The following RMDN2 variants were observed in gnomAD, a reference collection of about 807,000 sequenced individuals.
RMDN2 encodes regulator of microtubule dynamics 2, also known as regulator of microtubule dynamics protein 2.
In RMDN2, 61 loss-of-function variants were observed where a neutral mutation model predicts 52.8. The observed-to-expected ratio is 1.16, with a 90% CI of 0.94 to 1.43. The LOEUF (loss-of-function observed/expected upper bound fraction) is 1.43. Ranked by LOEUF, RMDN2 falls within the 40% of genes most tolerant of loss-of-function variation. The probability of loss-of-function intolerance (pLI) is 0.00; values close to 1 mark genes in which losing one functional copy is unlikely to be tolerated. For synonymous variants in RMDN2, 180 were observed against 153.1 expected (o/e 1.18, Z -1.30); for missense variants, 592 against 475.3 (o/e 1.25, Z -2.28).
intron 2 of RMDN2, among the ~76,000 whole-genome samples, chr2:37,962,666 C>G (rs1348245141): frequency 6.6e-6 from 1 of 152,166 alleles, no homozygotes. Context: ...ACACCTGACT[C>G]CCTGGCTTTT....
At chr2:37,951,609 C>T in intron 2 of RMDN2, 1 of 1,613,374 alleles carries the variant, frequency 6.2e-7, no homozygotes, top group Non-Finnish European at 8.5e-7. Context: ...ATCCCGTAAA[C>T]TAAGTATAGT....
intron 10 of RMDN2, among the ~76,000 whole-genome samples, chr2:38,064,626 T>G (rs935908847): frequency 3.9e-5 from 6 of 152,222 alleles, no homozygotes; most frequent in Non-Finnish European, 2.9e-5. Flanking sequence ...CACCCTTGCT[T>G]CTGTATATAC....
intron 10 of RMDN2, among the ~76,000 whole-genome samples, chr2:38,042,249 CTTTCTT>C (rs1256434819): frequency 6.6e-6 from 1 of 152,062 alleles, no homozygotes; most frequent in Non-Finnish European, 1.5e-5. Context: ...TATTTATACT[CTTTCTT>C]TATTGTCCTT....
intron 1 of RMDN2, chr2:37,928,727 C>T (rs1013672434): frequency 6.6e-6 from 1 of 152,364 alleles, no homozygotes; most frequent in Non-Finnish European, 1.5e-5. Flanking sequence ...TTTGCCTTCT[C>T]AAGTTTATTG....
intron 2 of RMDN2, among the ~76,000 whole-genome samples, chr2:37,937,538 G>C (rs963374831): frequency 6.6e-6 from 1 of 152,154 alleles, no homozygotes; most frequent in Admixed American, 6.5e-5. Context: ...AGCATGGAAT[G>C]TTTTTCCATT....
At chr2:38,020,662 G>T (rs975532413), downstream of RMDN2, among the ~76,000 whole-genome samples, 2 of 152,234 alleles carry the variant, frequency 1.3e-5, no homozygotes, top group Non-Finnish European at 2.9e-5. Flanking sequence ...CAGGCCAGCG[G>T]CTGCAGAGGG....
chr2:37,933,355 C>G lies in RMDN2; in HGVS notation c.452+3626C>G, dbSNP rs1198867348. Reference sequence around the variant, plus strand: ...GGCGGCCAGGCGGAGACGCTCCTCACTTCCCAGACGGGGTGGCGGCTGGGC... The same window carrying G: ...GGCGGCCAGGCGGAGACGCTCCTCAGTTCCCAGACGGGGTGGCGGCTGGGC... On this transcript the variant is annotated intron_variant, in intron 2 of 10. Coordinates refer to ENST00000354545, the MANE Select transcript of RMDN2 (RefSeq NM_001170791.3). Among the ~76,000 whole-genome samples the G allele has an allele frequency of 3.9e-5, 6 of 152,210 alleles. No individual in the cohort carries two copies. The East Asian group carries it at 1.2e-3, about 29-fold the overall frequency.
intron 10 of RMDN2, among the ~76,000 whole-genome samples, chr2:38,038,618 A>T (rs1292122895): frequency 2.6e-5 from 4 of 152,202 alleles, no homozygotes; most frequent in Admixed American, 2.6e-4. Flanking sequence ...GCTAGGGCCA[A>T]ACCAACCACT....
At chr2:37,926,686 T>A (rs1666306761) in intron 1 of RMDN2, among the ~76,000 whole-genome samples, 1 of 152,258 alleles carries the variant, frequency 6.6e-6, no homozygotes, top group South Asian at 2.1e-4. Flanking sequence ...ATGCTGCTTA[T>A]CCCAGCACTT....
intron 4 of RMDN2, among the ~76,000 whole-genome samples, chr2:37,978,562 A>T (rs1022828949): frequency 6.6e-6 from 1 of 152,046 alleles, no homozygotes; most frequent in Middle Eastern, 3.2e-3. Context: ...GTAGTGGCTC[A>T]TGCCTGTAAT....
chr2:38,036,986 TG>T (rs1680627381), intron 10 of RMDN2, among the ~76,000 whole-genome samples: 1 of 152,132 alleles, frequency 6.6e-6, no homozygotes. Flanking sequence ...GCAAAGAACA[TG>T]GGAAAATGTG....
chr2:37,939,960 C>CAGTTTCTTCAT (rs1667639494), intron 2 of RMDN2, among the ~76,000 whole-genome samples: 1 of 152,132 alleles, frequency 6.6e-6, no homozygotes, highest in African/African-American at 2.4e-5. Context: ...TTAGTTGATG[C>CAGTTTCTTCAT]AGTTTCTTCA....
intron 10 of RMDN2, among the ~76,000 whole-genome samples, chr2:38,063,169 T>C (rs1682126763): frequency 6.6e-6 from 1 of 152,184 alleles, no homozygotes; most frequent in African/African-American, 2.4e-5. Flanking sequence ...TATTTCTAGT[T>C]CTAGATCCCT....
At chr2:37,964,927 G>A (rs1049439027) in intron 2 of RMDN2, among the ~76,000 whole-genome samples, 2 of 152,064 alleles carry the variant, frequency 1.3e-5, no homozygotes, top group African/African-American at 4.8e-5. Flanking sequence ...GGATGATGTT[G>A]AGTGCATTTA....
chr2:38,056,385 A>C (rs1681856593), intron 10 of RMDN2, among the ~76,000 whole-genome samples: 3 of 152,218 alleles, frequency 2.0e-5, no homozygotes, highest in Admixed American at 6.5e-5. Context: ...TTACTACAAC[A>C]TCAATCACAC....
At chr2:38,053,632 A>T (rs996177458) in intron 10 of RMDN2, among the ~76,000 whole-genome samples, 1 of 152,250 alleles carries the variant, frequency 6.6e-6, no homozygotes, top group Admixed American at 6.5e-5. Context: ...TAACTGTAAT[A>T]AAATGCATTT....
chr2:37,964,008 C>T (rs1160358320), intron 2 of RMDN2, among the ~76,000 whole-genome samples: 13 of 151,010 alleles, frequency 8.6e-5, no homozygotes, highest in Non-Finnish European at 1.3e-4. Flanking sequence ...ACCTCCCTCC[C>T]GGACGGGGCG....
chr2:37,952,307 C>A, intron 2 of RMDN2: 1 of 1,026,880 alleles, frequency 9.7e-7, no homozygotes, highest in Non-Finnish European at 1.4e-6. Flanking sequence ...CCTTTCCTCA[C>A]AAAGCTTCAC....
At chr2:37,961,147 A>G (rs902680594) in intron 2 of RMDN2, among the ~76,000 whole-genome samples, 2 of 152,084 alleles carry the variant, frequency 1.3e-5, no homozygotes, top group East Asian at 3.9e-4. Context: ...AAGCTTGGTG[A>G]ATCTGATGAT....
Sources: gnomAD v4.1 joint callset for allele counts (sites outside exome capture counted in the v4.1 genomes callset) on GRCh38, gnomAD v4.1.1 for gene constraint, MANE v1.5 for transcripts, NCBI Gene and HGNC (gene_info 2026-07-23, HGNC 2026-07-21) for gene names.